Variants in AACS observed in about 807,000 individuals in gnomAD.
AACS encodes the protein acetoacetyl-CoA synthetase.
AACS carries 69 observed loss-of-function variants against 83.1 expected under a neutral mutation model. The ratio of observed to expected loss-of-function variants is 0.83; its 90% CI spans 0.68 to 1.01. AACS has a LOEUF of 1.01. Among genes scored for constraint, AACS ranks in the 50% least tolerant of loss-of-function variants. AACS has a pLI of 0.00. For missense variants in AACS, 866 were observed against 882.2 expected (o/e 0.98, Z 0.23); for synonymous variants, 333 against 343.4 (o/e 0.97, Z 0.33).
At chr12:125,119,906 A>G (rs922267147) in intron 10 of AACS, 2 of 152,138 alleles carry the variant, frequency 1.3e-5, no homozygotes. Context: ...GCAGGAGGAG[A>G]ACCCTGTTTG....
rs561601331 is a variant in AACS, at chr12:125,129,841, G to A, written c.1549+381G>A. ...GGAGTGGCATGTGGAAGTGGCGTCT[G>A]GCTCGGGTCTCTTCCTTCGTGTCTC... On this transcript the variant is annotated intron_variant, in intron 14 of 17. Coordinates refer to ENST00000316519, the MANE Select transcript of AACS (RefSeq NM_023928.5). The surrounding 1 kb of genome is among the most constrained non-coding windows in gnomAD (Gnocchi z 4.3). 1.3e-5 allele frequency among the ~76,000 whole-genome samples: 2 copies of A among 152,276 alleles called. No individual in the cohort carries two copies. The highest frequency in any genetic ancestry group is 1.3e-4 in the Admixed American group (2 of 15,304).
In AACS at chr12:125,131,746, G is replaced by A. The variant is rs376678827; in HGVS notation, c.1550-2257G>A. 4.4e-3 allele frequency among the ~76,000 whole-genome samples: 664 copies of A among 152,174 alleles called. 9 individuals are homozygous for A. The highest frequency in any genetic ancestry group is 0.015 in the African/African-American group (629 of 41,508). ...CCTGAGTAGCTGGGATTACAGGCGCGCGCCACCACGCCCAGCTAATTTTTG... is the reference window on the plus strand; with the variant it reads ...CCTGAGTAGCTGGGATTACAGGCGCACGCCACCACGCCCAGCTAATTTTTG... On this transcript the variant is annotated intron_variant, in intron 14 of 17. Coordinates refer to ENST00000316519, the MANE Select transcript of AACS (RefSeq NM_023928.5).
chr12:125,130,068 C>G lies in AACS; in HGVS notation c.1549+608C>G, dbSNP rs76336213. Reference sequence around the variant, plus strand: ...TCTAATCTTATTTCATAAGCAGTCTCGAGTTACTGCTGCTATATAATTCAT... The same window carrying G: ...TCTAATCTTATTTCATAAGCAGTCTGGAGTTACTGCTGCTATATAATTCAT... On this transcript the variant is annotated intron_variant, in intron 14 of 17. Transcript: ENST00000316519. The surrounding 1 kb of genome is among the most constrained non-coding windows in gnomAD (Gnocchi z 4.9). 2.0e-3 allele frequency among the ~76,000 whole-genome samples: 303 copies of G among 152,290 alleles called. 2 individuals carry two copies. Among genetic ancestry groups the G allele is most frequent in the African/African-American group, 7.2e-3 (298 of 41,540 alleles).
chr12:125,100,233 C>T (rs573701243), intron 5 of AACS, among the ~76,000 whole-genome samples: 9 of 152,200 alleles, frequency 5.9e-5, no homozygotes, highest in Admixed American at 1.3e-4. Context: ...GGATTACAGG[C>T]GCGAGCCACC....
intron 1 of AACS, among the ~76,000 whole-genome samples, chr12:125,068,649 A>G (rs1323438411): frequency 6.6e-6 from 1 of 152,046 alleles, no homozygotes; most frequent in Non-Finnish European, 1.5e-5. Flanking sequence ...ACCACTCTTG[A>G]AGGTGATTTC....
intron 1 of AACS, among the ~76,000 whole-genome samples, chr12:125,071,502 G>A (rs768684177): frequency 1.1e-4 from 16 of 152,186 alleles, no homozygotes; most frequent in Non-Finnish European, 1.8e-4. Flanking sequence ...CATGATCCCT[G>A]CACAAGGTGG....
At chr12:125,091,171 A>T (rs1272054232) in intron 4 of AACS, 2 of 509,706 alleles carry the variant, frequency 3.9e-6, no homozygotes, top group Non-Finnish European at 7.2e-6. Context: ...CCAGGGAGGG[A>T]TGGGGAGCAG....
chr12:125,141,628 G>C (rs11058045), intron 17 of AACS: 67,506 of 151,996 alleles, frequency 0.44, 15,409 homozygotes, highest in East Asian at 0.64. Flanking sequence ...ACCTGGGAGG[G>C]GGAGCTTGCA....
intron 1 of AACS, among the ~76,000 whole-genome samples, chr12:125,070,247 A>G (rs1955824019): frequency 1.3e-5 from 2 of 151,982 alleles, no homozygotes; most frequent in African/African-American, 4.8e-5. Context: ...TTTCCAATAA[A>G]CCCTGTGTCT....
At chr12:125,088,786 G>A (rs1327979762) in intron 4 of AACS, among the ~76,000 whole-genome samples, 2 of 152,202 alleles carry the variant, frequency 1.3e-5, no homozygotes, top group African/African-American at 2.4e-5. Context: ...GCCTGGCCGC[G>A]ATGCCCTGGA....
chr12:125,114,471 C>A lies in AACS; in HGVS notation c.916-6C>A. On this transcript the variant is annotated splice_region_variant and splice_polypyrimidine_tract_variant and intron_variant, in intron 8 of 17. Transcript: ENST00000316519. ...GAGCACCCGCTCCCCCGTGTCTCCC[C>A]TGCAGGGCACCCTCATCCAGCATCT... 6.2e-7 allele frequency: 1 copy of A among 1,612,580 alleles called. No individual in the cohort carries two copies. The highest frequency in any genetic ancestry group is 8.5e-7 in the Non-Finnish European group (1 of 1,179,382).
intron 1 of AACS, among the ~76,000 whole-genome samples, chr12:125,067,887 G>T (rs1026434673): frequency 2.6e-5 from 4 of 152,196 alleles, no homozygotes; most frequent in African/African-American, 9.6e-5. Flanking sequence ...TGATCAGGAG[G>T]AAGTCATTGG....
At chr12:125,134,671 T>C (rs1389690140) in intron 15 of AACS, 123 bp from the exon 16 acceptor site, 1 of 993,676 alleles carries the variant, frequency 1.0e-6, no homozygotes, top group Non-Finnish European at 1.6e-6. Flanking sequence ...GGGAGCGGAG[T>C]GTCCGTGACT....
intron 13 of AACS, 98 bp downstream of exon 13, chr12:125,128,372 A>C: frequency 9.0e-7 from 1 of 1,111,308 alleles, no homozygotes; most frequent in South Asian, 1.8e-5. Context: ...AGTTCTCCAA[A>C]ACAGCCCTCG....
At chr12:125,142,002 C>T in intron 17 of AACS, 90 bp from the exon 18 acceptor site, 1 of 1,532,030 alleles carries the variant, frequency 6.5e-7, no homozygotes, top group Non-Finnish European at 8.9e-7. Flanking sequence ...CCAGGTGGAG[C>T]TGGGCCTTTG....
At chr12:125,117,811 C>T (rs1365191060) in intron 9 of AACS, 1 of 151,606 alleles carries the variant, frequency 6.6e-6, no homozygotes, top group Admixed American at 6.6e-5. Context: ...CAAAGTGAGA[C>T]CTCATCTACA....
intron 1 of AACS, among the ~76,000 whole-genome samples, chr12:125,071,884 T>G (rs1955874689): frequency 1.3e-5 from 2 of 152,080 alleles, no homozygotes; most frequent in Admixed American, 1.3e-4. Context: ...GTTGACAGAG[T>G]TTCGCTCTTG....
At chr12:125,102,165 G>A (rs149890307) in intron 5 of AACS, 21 of 152,040 alleles carry the variant, frequency 1.4e-4, no homozygotes, top group East Asian at 5.8e-4. Context: ...ATTCTCCTGC[G>A]TCAGCCTCTG....
rs763684940 is a variant in AACS at position 125,073,965 on chromosome 12, C to G, written c.223C>G (p.Arg75Gly). ...FWKFSGIVFS[R>G]VYDEVVDTSK... Reference sequence around the variant, plus strand: ...GAAATTCAGTGGAATTGTCTTCTCACGTGTGTATGATGAGGTAAGTAGAGA... The same window carrying G: ...GAAATTCAGTGGAATTGTCTTCTCAGGTGTGTATGATGAGGTAAGTAGAGA... The change falls in exon 2 of 18, where the codon CGT becomes GGT. Residue 75 changes from arginine to glycine, a missense_variant. Transcript: ENST00000316519. The G allele has an allele frequency of 1.2e-6, 2 of 1,613,420 alleles. No homozygotes were observed. The highest frequency in any genetic ancestry group is 1.7e-5 in the Admixed American group (1 of 59,958).
Sources: allele counts gnomAD v4.1 joint callset (sites outside exome capture counted in the v4.1 genomes callset), GRCh38; gene constraint gnomAD v4.1.1; non-coding constraint Gnocchi (gnomAD v3.1); transcripts MANE v1.5; gene names NCBI Gene and HGNC (gene_info 2026-07-23, HGNC 2026-07-21).